UNC5D: variants seen among roughly 807,000 people sequenced by gnomAD.
UNC5D encodes the protein netrin receptor UNC5D.
In UNC5D, 39 loss-of-function variants were observed where a neutral mutation model predicts 105.4. That is an observed-to-expected ratio of 0.37 (90% confidence interval 0.29 to 0.48). The LOEUF is 0.48. Among genes scored for constraint, UNC5D ranks in the 20% least tolerant of loss-of-function variants. The pLI is 0.98. For missense variants in UNC5D, 991 were observed against 1,202.4 expected, an observed-to-expected ratio of 0.82 and a Z score of 2.60; for synonymous variants, 452 against 450.4, an observed-to-expected ratio of 1.00 and a Z score of -0.04.
At chr8:35,321,526 G>A (rs915657600) in intron 1 of UNC5D, among the ~76,000 whole-genome samples, 2 of 152,046 alleles carry the variant, frequency 1.3e-5, no homozygotes, top group African/African-American at 4.8e-5. Flanking sequence ...CACACCGATT[G>A]TAAGTTTCAT....
In UNC5D at chr8:35,626,703, A is replaced by T. The variant is rs570307402; in HGVS notation, c.570+31046A>T. ...GGCTGGGAATATATATCATCCAGGC[A>T]TCCGCGTGCTCTTGCAAAAGAGATA... On this transcript the variant is annotated intron_variant, in intron 4 of 16. Transcript: ENST00000404895. Among the ~76,000 whole-genome samples the T allele has an allele frequency of 2.6e-5, 4 of 152,380 alleles. No individual in the cohort carries two copies. In the East Asian group the frequency reaches 7.7e-4, roughly 29 times the overall value.
intron 16 of UNC5D, among the ~76,000 whole-genome samples, chr8:35,788,539 T>C (rs1802856752): frequency 6.6e-6 from 1 of 152,120 alleles, no homozygotes; most frequent in Non-Finnish European, 1.5e-5. Flanking sequence ...CATGCCATCT[T>C]AAAAAGCACT....
intron 7 of UNC5D, among the ~76,000 whole-genome samples, chr8:35,693,163 C>T (rs1377543010): frequency 6.6e-6 from 1 of 151,986 alleles, no homozygotes; most frequent in Non-Finnish European, 1.5e-5. Flanking sequence ...AGACATAGTG[C>T]AATATTCACG....
chr8:35,726,081 A>G (rs753120600), intron 9 of UNC5D, 71 bp from the exon 10 acceptor site: 3 of 1,529,444 alleles, frequency 2.0e-6, no homozygotes, highest in Non-Finnish European at 2.6e-6. Context: ...CGCAGTTTGC[A>G]GAGGCAGAAG....
chr8:35,576,117 A>G (rs1423790317), intron 3 of UNC5D, among the ~76,000 whole-genome samples: 3 of 151,984 alleles, frequency 2.0e-5, no homozygotes, highest in Non-Finnish European at 4.4e-5. Context: ...GCAGGACCCA[A>G]TGCAAAATGA....
At chr8:35,507,212 C>T (rs978905419) in intron 1 of UNC5D, among the ~76,000 whole-genome samples, 39 of 150,632 alleles carry the variant, frequency 2.6e-4, no homozygotes, top group Non-Finnish European at 4.7e-4. Context: ...CCCGCCACTA[C>T]GCCCGGCTAA....
chr8:35,607,111 C>G (rs1422622564), intron 4 of UNC5D, among the ~76,000 whole-genome samples: 5 of 152,148 alleles, frequency 3.3e-5, no homozygotes, highest in Non-Finnish European at 7.3e-5. Context: ...CAGCTGTAAC[C>G]ACAAGGAGGA....
intron 1 of UNC5D, among the ~76,000 whole-genome samples, chr8:35,421,691 A>G (rs1185916886): frequency 6.6e-6 from 1 of 152,184 alleles, no homozygotes; most frequent in Non-Finnish European, 1.5e-5. Context: ...TATATCATAT[A>G]TTTATGTACA....
At chr8:35,504,338 G>T (rs1005266807) in intron 1 of UNC5D, among the ~76,000 whole-genome samples, 10 of 152,188 alleles carry the variant, frequency 6.6e-5, no homozygotes, top group Admixed American at 5.2e-4. Flanking sequence ...CTAATTAAAA[G>T]AGTTAATATC....
chr8:35,683,461 C>T (rs1262780302), intron 4 of UNC5D, 86 bp from the exon 5 acceptor site: 16 of 1,371,852 alleles, frequency 1.2e-5, no homozygotes, highest in Non-Finnish European at 1.6e-5. Context: ...ACATCTCTCT[C>T]CCACACCCGA....
chr8:35,685,072 A>G (rs565438830), intron 6 of UNC5D, among the ~76,000 whole-genome samples: 1 of 152,318 alleles, frequency 6.6e-6, no homozygotes, highest in Non-Finnish European at 1.5e-5. Flanking sequence ...GGGTTCTCCC[A>G]TCTTGTGGCC....
chr8:35,744,838 AG>A (rs1473125524), intron 11 of UNC5D, among the ~76,000 whole-genome samples: 2 of 152,152 alleles, frequency 1.3e-5, no homozygotes, highest in Non-Finnish European at 2.9e-5. Flanking sequence ...GGATCACCTG[AG>A]GTCAGGAGTT....
At chr8:35,607,804 C>A (rs577093997) in intron 4 of UNC5D, among the ~76,000 whole-genome samples, 2 of 152,188 alleles carry the variant, frequency 1.3e-5, no homozygotes, top group African/African-American at 2.4e-5. Flanking sequence ...CCATGAGGAA[C>A]TATGAGTCAA....
intron 11 of UNC5D, among the ~76,000 whole-genome samples, chr8:35,731,399 CAA>C (rs57529561): frequency 0.015 from 444 of 30,504 alleles, no homozygotes; most frequent in African/African-American, 0.028. Context: ...ACTCTGTCTC[CAA>C]AAAAAAAAAA....
rs181218328 is a variant in UNC5D at position 35,406,997 on chromosome 8, C to T, written c.104-142295C>T. Among the ~76,000 whole-genome samples, 59 of 152,112 alleles carry T rather than the reference C, an allele frequency of 3.9e-4. 1 individual carries two copies. In the South Asian group the frequency reaches 5.8e-3, roughly 15 times the overall value. ...TCATGTACAGACATGCCCTGCATAA[C>T]GACATTTTAGTTAACAATGGACTGC... On this transcript the variant is annotated intron_variant, in intron 1 of 16. Coordinates refer to ENST00000404895, the MANE Select transcript of UNC5D (RefSeq NM_080872.4).
Position 35,300,679 on chromosome 8 carries a change from A to G in UNC5D, c.103+64792A>G, listed in dbSNP as rs78194998. Among the ~76,000 whole-genome samples the G allele has an allele frequency of 1.5e-4, 23 of 152,264 alleles. No individual in the cohort carries two copies. In the East Asian group the frequency reaches 4.3e-3, roughly 28 times the overall value. On this transcript the variant is annotated intron_variant, in intron 1 of 16. Transcript: ENST00000404895. ...AGATATTATGAAACTAAAGTTTAGA[A>G]GATGCATAAACAAATAGCAAATACT...
intron 1 of UNC5D, among the ~76,000 whole-genome samples, chr8:35,279,780 G>A (rs928370589): frequency 1.3e-5 from 2 of 152,198 alleles, no homozygotes; most frequent in African/African-American, 4.8e-5. Context: ...TGCAGTTGCT[G>A]TTGGCTCTTC....
intron 3 of UNC5D, among the ~76,000 whole-genome samples, chr8:35,580,814 A>G (rs188629853): frequency 2.8e-3 from 425 of 152,320 alleles, no homozygotes; most frequent in African/African-American, 9.7e-3. Flanking sequence ...AAGTTTGACT[A>G]AAGAGAGCAC....
chr8:35,537,094 T>G (rs1412873750), intron 1 of UNC5D, among the ~76,000 whole-genome samples: 2 of 152,158 alleles, frequency 1.3e-5, no homozygotes, highest in Non-Finnish European at 2.9e-5. Context: ...TCAAATTATG[T>G]TTTCTTTTTA....
Sources: allele counts gnomAD v4.1 joint callset (sites outside exome capture counted in the v4.1 genomes callset), GRCh38; gene constraint gnomAD v4.1.1; transcripts MANE v1.5; gene names NCBI Gene and HGNC (gene_info 2026-07-23, HGNC 2026-07-21).